BCL2: variants seen among roughly 807,000 people sequenced by gnomAD.
BCL2 encodes apoptosis regulator Bcl-2.
BCL2 carries 1 observed loss-of-function variant against 14.2 expected under a neutral mutation model. The ratio of observed to expected loss-of-function variants is 0.07; its 90% CI spans 0.02 to 0.33. The LOEUF (loss-of-function observed/expected upper bound fraction) is 0.33, where lower values mean the gene tolerates loss of function less well. BCL2 is among the 10% of genes least tolerant of loss of function. The pLI is 0.99. For synonymous variants in BCL2, 151 were observed against 137.2 expected, an observed-to-expected ratio of 1.10 and a Z score of -0.70; for missense variants, 247 against 305.9, an observed-to-expected ratio of 0.81 and a Z score of 1.44.
At chr18:63,276,068 A>G (rs1316234754) in intron 2 of BCL2, among the ~76,000 whole-genome samples, 2 of 152,168 alleles carry the variant, frequency 1.3e-5, no homozygotes, top group East Asian at 3.8e-4. Flanking sequence ...CCTACTCCTC[A>G]TTAGAGGGAG....
chr18:63,211,194 A>G lies in BCL2; in HGVS notation c.586-82435T>C, dbSNP rs907358829. ...CCAGCGATTCTCCCGAGTAGCTGGG[A>G]CTACAGGTGGGCATCACCACACCCA... On this transcript the variant is annotated intron_variant, in intron 2 of 2. Transcript: ENST00000333681. Among the ~76,000 whole-genome samples, 6 of 147,836 alleles carry G rather than the reference A, an allele frequency of 4.1e-5. No homozygotes were observed. The South Asian group carries it at 1.3e-3, about 32-fold the overall frequency.
intron 2 of BCL2, among the ~76,000 whole-genome samples, chr18:63,169,289 TTTCTTTCTTTCTTTCTTTCTTCC>T (rs1915135288): frequency 2.7e-5 from 2 of 73,994 alleles, no homozygotes; most frequent in Non-Finnish European, 4.6e-5. Flanking sequence ...TCTTTCTTTC[TTTCTTTCTTTCTTTCTTTCTTCC>T]TTCCTTCCTT....
intron 2 of BCL2, among the ~76,000 whole-genome samples, chr18:63,236,418 C>T (rs549141602): frequency 8.2e-5 from 9 of 109,766 alleles, no homozygotes; most frequent in Non-Finnish European, 1.7e-4. Context: ...AGAGTGGGCT[C>T]GTGGTCTATT....
At chr18:63,302,959 G>A (rs1441522440) in intron 2 of BCL2, 3 of 883,974 alleles carry the variant, frequency 3.4e-6, no homozygotes, top group Non-Finnish European at 4.1e-6. Flanking sequence ...TGCTGAAGGT[G>A]GGTTTGTTTT....
intron 2 of BCL2, among the ~76,000 whole-genome samples, chr18:63,214,134 C>T (rs143666317): frequency 4.1e-4 from 63 of 151,978 alleles, no homozygotes; most frequent in African/African-American, 1.3e-3. Context: ...CTAAGAAATA[C>T]GGGAGAAATG....
At chr18:63,219,821 A>G (rs1910334562) in intron 2 of BCL2, among the ~76,000 whole-genome samples, 1 of 152,222 alleles carries the variant, frequency 6.6e-6, no homozygotes, top group East Asian at 1.9e-4. Flanking sequence ...GCCACCAAAT[A>G]CACCATTATC....
chr18:63,179,464 C>A (rs1278557284), intron 2 of BCL2, among the ~76,000 whole-genome samples: 14 of 152,154 alleles, frequency 9.2e-5, no homozygotes, highest in Admixed American at 9.2e-4. Flanking sequence ...ACTGTCTGTG[C>A]CTGCTATAAT....
chr18:63,181,753 T>C (rs1915485483), intron 2 of BCL2, among the ~76,000 whole-genome samples: 1 of 152,182 alleles, frequency 6.6e-6, no homozygotes, highest in Admixed American at 6.5e-5. Context: ...CTCTGTTTTG[T>C]GGATGAAGAA....
intron 2 of BCL2, among the ~76,000 whole-genome samples, chr18:63,259,978 G>A (rs907535193): frequency 3.7e-4 from 57 of 152,090 alleles, no homozygotes; most frequent in African/African-American, 1.0e-3. Context: ...CCTTTTCTCC[G>A]TTTTTGCTTT....
chr18:63,202,288 G>T (rs929494150), intron 2 of BCL2, among the ~76,000 whole-genome samples: 2 of 152,090 alleles, frequency 1.3e-5, no homozygotes, highest in African/African-American at 4.8e-5. Context: ...CAGCCTGGGC[G>T]ACAGAGCAAG....
chr18:63,160,473 A>T (rs1914893445), intron 2 of BCL2, among the ~76,000 whole-genome samples: 1 of 152,166 alleles, frequency 6.6e-6, no homozygotes, highest in East Asian at 1.9e-4. Flanking sequence ...CATCCACCAT[A>T]TTCTCATAGG....
intron 2 of BCL2, among the ~76,000 whole-genome samples, chr18:63,248,639 C>A (rs1331876888): frequency 6.6e-6 from 1 of 152,200 alleles, no homozygotes; most frequent in Non-Finnish European, 1.5e-5. Context: ...ATAAGCACAT[C>A]CGAGAGAGAA....
At chr18:63,168,460 G>A (rs752365535) in intron 2 of BCL2, among the ~76,000 whole-genome samples, 10 of 152,134 alleles carry the variant, frequency 6.6e-5, no homozygotes, top group Non-Finnish European at 1.3e-4. Flanking sequence ...TGTTGAGGTG[G>A]GGACTGAGGC....
intron 2 of BCL2, chr18:63,302,471 T>C (rs180785978): frequency 1.6e-4 from 160 of 985,378 alleles, no homozygotes; most frequent in Non-Finnish European, 1.8e-4. Flanking sequence ...TTTCCCTTCC[T>C]TTTTGGCTTC....
At chr18:63,289,262 G>GA (rs1912568406) in intron 2 of BCL2, among the ~76,000 whole-genome samples, 1 of 151,616 alleles carries the variant, frequency 6.6e-6, no homozygotes, top group African/African-American at 2.4e-5. Flanking sequence ...ACAAGGCCTG[G>GA]AAAAATGGCA....
intron 2 of BCL2, among the ~76,000 whole-genome samples, chr18:63,212,156 T>A (rs1169839966): frequency 6.6e-6 from 1 of 151,204 alleles, no homozygotes; most frequent in Non-Finnish European, 1.5e-5. Flanking sequence ...TGAAACCCCG[T>A]CTCTACTAAA....
At chr18:63,271,041 C>T (rs2144239434) in intron 2 of BCL2, among the ~76,000 whole-genome samples, 1 of 152,222 alleles carries the variant, frequency 6.6e-6, no homozygotes, top group South Asian at 2.1e-4. Context: ...AGAATGGTCT[C>T]GAACTCCTGG....
chr18:63,127,726 T>G lies in BCL2; in HGVS notation c.*899A>C. 1 of 226,038 alleles carries G rather than the reference T, an allele frequency of 4.4e-6. No homozygotes were observed. The highest frequency in any genetic ancestry group is 8.8e-6 in the Non-Finnish European group (1 of 113,516). 14.0% of individuals were successfully genotyped at this position (226,038 alleles called of 1,614,324 possible). On this transcript the variant is annotated 3_prime_UTR_variant, in exon 3 of 3. Coordinates refer to ENST00000333681, the MANE Select transcript of BCL2 (RefSeq NM_000633.3). ...AACTCTAGCCTTCCTGATGCGGAAG[T>G]CACCGAAATGTTCACTTCCTCAAGT...
At chr18:63,169,387 CTT>C (rs768707055) in intron 2 of BCL2, among the ~76,000 whole-genome samples, 8,114 of 65,200 alleles carry the variant, frequency 0.12, 1,371 homozygotes, top group African/African-American at 0.34. Context: ...TTCTTTCTTT[CTT>C]TTTCTTTCTT....
Sources: gnomAD v4.1 joint callset for allele counts (sites outside exome capture counted in the v4.1 genomes callset) on GRCh38, gnomAD v4.1.1 for gene constraint, MANE v1.5 for transcripts, NCBI Gene and HGNC (gene_info 2026-07-23, HGNC 2026-07-21) for gene names.